PLCH1: variants seen among roughly 807,000 people sequenced by gnomAD.
The protein encoded by PLCH1 is 1-phosphatidylinositol 4,5-bisphosphate phosphodiesterase eta-1.
In PLCH1, 60 loss-of-function variants were observed where a neutral mutation model predicts 126.7. The observed-to-expected ratio is 0.47, with a 90% CI of 0.38 to 0.59. The LOEUF is 0.59. PLCH1 is among the 20% of genes least tolerant of loss of function. The pLI, the probability that PLCH1 is intolerant of heterozygous loss-of-function variation, is 0.00. For synonymous variants in PLCH1, 719 were observed against 734.9 expected (o/e 0.98, Z 0.35); for missense variants, 1,723 against 2,040.0 (o/e 0.84, Z 2.99).
At chr3:155,727,853 T>C (rs961743415) in intron 1 of PLCH1, among the ~76,000 whole-genome samples, 2 of 152,244 alleles carry the variant, frequency 1.3e-5, no homozygotes, top group South Asian at 2.1e-4. Context: ...TGATCTTCCT[T>C]ACAGACTTCT....
At chr3:155,627,531 G>A (rs1281129062) in intron 2 of PLCH1, among the ~76,000 whole-genome samples, 2 of 151,914 alleles carry the variant, frequency 1.3e-5, no homozygotes, top group African/African-American at 4.8e-5. Flanking sequence ...CTACTTGGGA[G>A]GCTGAGGTGG....
At chr3:155,460,832 A>G (rs1712695424) in intron 21 of PLCH1, among the ~76,000 whole-genome samples, 1 of 150,356 alleles carries the variant, frequency 6.7e-6, no homozygotes, top group East Asian at 2.0e-4. Flanking sequence ...ATAGATAGAT[A>G]GATAGATAGA....
chr3:155,550,588 T>G (rs1725977127), intron 9 of PLCH1, among the ~76,000 whole-genome samples: 2 of 152,124 alleles, frequency 1.3e-5, no homozygotes, highest in South Asian at 4.1e-4. Flanking sequence ...ACAGAAAACA[T>G]GAGATCCATG....
At chr3:155,515,354 T>A (rs1481016168) in intron 11 of PLCH1, among the ~76,000 whole-genome samples, 1 of 152,228 alleles carries the variant, frequency 6.6e-6, no homozygotes, top group Non-Finnish European at 1.5e-5. Context: ...TAAACCTACA[T>A]AAATAAATTA....
Position 155,482,180 on chromosome 3 carries a change from G to T in PLCH1, c.3846C>A (p.Asp1282Glu), listed in dbSNP as rs756142330. ...TPISKTKPDDDLSSKAKTAAL... is the reference protein window; with the variant it reads ...TPISKTKPDDELSSKAKTAAL... ...CCGCTGTCTTGGCCTTACTAGAAAG[G>T]TCATCATCTGGTTTGGTTTTAGAGA... Residue 1282 changes from aspartate (D) to glutamate (E), a missense_variant, in exon 23 of 23, where the codon GAC becomes GAA. Physicochemically the swap from Asp to Glu is conservative, Grantham distance 45. Transcript: ENST00000460012. 1 of 1,614,170 alleles carries T rather than the reference G, an allele frequency of 6.2e-7. No individual in the cohort carries two copies.
chr3:155,627,557 C>A (rs1737468551), intron 2 of PLCH1, among the ~76,000 whole-genome samples: 1 of 151,512 alleles, frequency 6.6e-6, no homozygotes, highest in Admixed American at 6.6e-5. Context: ...TGGCATGAAT[C>A]CGGGAGGCAG....
intron 2 of PLCH1, among the ~76,000 whole-genome samples, chr3:155,620,669 C>T (rs1736356851): frequency 6.6e-6 from 1 of 152,188 alleles, no homozygotes; most frequent in Admixed American, 6.5e-5. Flanking sequence ...TGATGACCCA[C>T]CGCAGCTCAG....
At chr3:155,600,946 C>G (rs908500931) in intron 2 of PLCH1, among the ~76,000 whole-genome samples, 17 of 152,102 alleles carry the variant, frequency 1.1e-4, no homozygotes, top group Admixed American at 2.6e-4. Flanking sequence ...AGAGTCCCAT[C>G]GATAAAAGAA....
In PLCH1 at chr3:155,492,839, A is replaced by G; in HGVS notation, c.2197T>C (p.Phe733Leu). ...TTGGCAGGAAGAGGGTCACCAGAGA[A>G]AGGGTTGAAAGTACCTAGGCCAAGT... Reference protein sequence around the residue: ...QQMCKGTFNPFSGDPLPANPK... With the variant: ...QQMCKGTFNPLSGDPLPANPK... The change falls in exon 18 of 23, where the codon TTC becomes CTC. Residue 733 changes from phenylalanine to leucine, a missense_variant. Physicochemically the swap from Phe to Leu is conservative, Grantham distance 22 (BLOSUM62 0). Transcript: ENST00000460012. The G allele has an allele frequency of 6.3e-7, 1 of 1,599,902 alleles. No homozygotes were observed. Among genetic ancestry groups the G allele is most frequent in the South Asian group, 1.1e-5 (1 of 88,018 alleles).
At chr3:155,504,687 T>A (rs148466496) in intron 12 of PLCH1, 61 bp from the exon 13 acceptor site, 34 of 1,203,746 alleles carry the variant, frequency 2.8e-5, no homozygotes, top group African/African-American at 1.6e-4. Context: ...TTTTCCTTAG[T>A]TCTGGTGGAA....
chr3:155,734,378 T>G (rs1405754425), intron 1 of PLCH1, among the ~76,000 whole-genome samples: 1 of 152,150 alleles, frequency 6.6e-6, no homozygotes, highest in East Asian at 1.9e-4. Flanking sequence ...GAGGATTGCT[T>G]GAGCCCATGA....
Position 155,485,455 on chromosome 3 carries a change from G to A in PLCH1, c.2875C>T (p.Arg959Cys), listed in dbSNP as rs1227881591. 1.9e-6 allele frequency: 3 copies of A among 1,614,080 alleles called. No homozygotes were observed. The highest frequency in any genetic ancestry group is 1.7e-6 in the Non-Finnish European group (2 of 1,179,940). Residue 959 changes from arginine to cysteine, a missense_variant, in exon 22 of 23, where the codon CGC becomes TGC. Transcript: ENST00000460012. Reference sequence around the variant, plus strand: ...CTGTCAACAGGCATAGAGACAGGGCGTGCTTGCAAACTGCGTGTGGTCCTC... The same window carrying A: ...CTGTCAACAGGCATAGAGACAGGGCATGCTTGCAAACTGCGTGTGGTCCTC... ...LRRTTRSLQA[R>C]PVSMPVDRNL... is the part of the protein sequence containing the mutation.
chr3:155,487,026 T>C (rs1215898712), intron 21 of PLCH1: 1 of 152,156 alleles, frequency 6.6e-6, no homozygotes, highest in Non-Finnish European at 1.5e-5. Flanking sequence ...GAAGTTATGG[T>C]ATAAAACTTC....
At chr3:155,702,764 G>A (rs963319342) in intron 2 of PLCH1, among the ~76,000 whole-genome samples, 19 of 152,082 alleles carry the variant, frequency 1.2e-4, no homozygotes, top group Middle Eastern at 3.4e-3. Context: ...TCTAACTCCC[G>A]TGATTTTTCT....
At chr3:155,475,810 A>G (rs1040910879), downstream of PLCH1, among the ~76,000 whole-genome samples, 1 of 152,122 alleles carries the variant, frequency 6.6e-6, no homozygotes, top group Non-Finnish European at 1.5e-5. Context: ...ATGAGATCAA[A>G]GCTGTAATAA....
At chr3:155,465,913 G>C (rs570656956) in intron 21 of PLCH1, among the ~76,000 whole-genome samples, 1 of 152,304 alleles carries the variant, frequency 6.6e-6, no homozygotes, top group South Asian at 2.1e-4. Context: ...AAAAAGGAGG[G>C]AAGAGGAGTG....
intron 11 of PLCH1, among the ~76,000 whole-genome samples, chr3:155,517,703 C>T (rs1034573289): frequency 1.3e-5 from 2 of 152,146 alleles, no homozygotes; most frequent in African/African-American, 4.8e-5. Flanking sequence ...TCCGCAAAGA[C>T]CCTTTTTCCA....
At chr3:155,523,048 C>A (rs544546698) in intron 11 of PLCH1, among the ~76,000 whole-genome samples, 1 of 152,150 alleles carries the variant, frequency 6.6e-6, no homozygotes, top group South Asian at 2.1e-4. Flanking sequence ...GATCTCGGCT[C>A]ACTGCAAGCT....
chr3:155,702,288 A>C (rs1404034251), intron 2 of PLCH1, among the ~76,000 whole-genome samples: 1 of 152,240 alleles, frequency 6.6e-6, no homozygotes, highest in Admixed American at 6.5e-5. Flanking sequence ...ACTGCTAGTC[A>C]ACAACAGAGC....
Sources: gnomAD v4.1 joint callset for allele counts (sites outside exome capture counted in the v4.1 genomes callset) on GRCh38, gnomAD v4.1.1 for gene constraint, MANE v1.5 for transcripts, NCBI Gene and HGNC (gene_info 2026-07-23, HGNC 2026-07-21) for gene names.